Variants in ADGRE2 observed in about 807,000 individuals in gnomAD.
ADGRE2 encodes adhesion G protein-coupled receptor E2.
Under a neutral mutation model 100.8 loss-of-function variants are expected in ADGRE2, and 83 were observed. That is an observed-to-expected ratio of 0.82 (90% CI 0.69 to 0.99). The LOEUF is 0.99. Among genes scored for constraint, ADGRE2 ranks in the 50% least tolerant of loss-of-function variants. The pLI is 0.00. For synonymous variants in ADGRE2, 355 were observed against 413.0 expected (o/e 0.86, Z 1.70); for missense variants, 814 against 1,035.7 (o/e 0.79, Z 2.94).
chr19:14,742,115 G>T (rs760165069), intron 20 of ADGRE2: 2 of 398,622 alleles, frequency 5.0e-6, no homozygotes, highest in Non-Finnish European at 8.8e-6. Flanking sequence ...TTTAAACTGA[G>T]ATCATTGCTA....
intron 11 of ADGRE2, among the ~76,000 whole-genome samples, chr19:14,763,236 G>A (rs769837475): frequency 2.6e-5 from 4 of 151,868 alleles, no homozygotes; most frequent in South Asian, 2.1e-4. Flanking sequence ...CCAGCTACTC[G>A]GGAGGCTGAG....
intron 16 of ADGRE2, 94 bp downstream of exon 16, chr19:14,751,342 A>G: frequency 1.2e-6 from 1 of 858,046 alleles, no homozygotes; most frequent in Non-Finnish European, 1.9e-6. Flanking sequence ...CTACTGATCT[A>G]ATTAAAAGCA....
chr19:14,769,678 T>C (rs1337974508), intron 5 of ADGRE2, among the ~76,000 whole-genome samples: 3 of 152,136 alleles, frequency 2.0e-5, no homozygotes, highest in Non-Finnish European at 4.4e-5. Flanking sequence ...CTCTTTTCTT[T>C]TCTCTCTTCT....
At chr19:14,761,168 C>A (rs2043706491) in intron 11 of ADGRE2, among the ~76,000 whole-genome samples, 1 of 152,188 alleles carries the variant, frequency 6.6e-6, no homozygotes, top group African/African-American at 2.4e-5. Flanking sequence ...CTTTGGGAGG[C>A]CGAGGCAGGC....
intron 11 of ADGRE2, among the ~76,000 whole-genome samples, chr19:14,762,928 G>C (rs1272124499): frequency 2.0e-5 from 3 of 152,280 alleles, no homozygotes; most frequent in African/African-American, 7.2e-5. Context: ...ACAGGTGTGA[G>C]CGCCTGGCAT....
chr19:14,751,485 C>G lies in ADGRE2; in HGVS notation c.1975G>C (p.Val659Leu). The change falls in exon 16 of 21, where the codon GTG (valine) becomes CTG (leucine). Residue 659 changes from valine (V) to leucine (L), a missense_variant. Transcript: ENST00000315576. The stretch of plus-strand genomic sequence containing the variant: ...GGCCTGGAGGCTGCAGAAATGGCCA[C>G]TGTCACAGCTGGGACTCCGTAGCCC... ...PVGYGVPAVT[V>L]AISAASRPHL... is the part of the protein sequence containing the mutation. The G allele has an allele frequency of 1.2e-6, 2 of 1,614,144 alleles. No individual in the cohort carries two copies. Among genetic ancestry groups the G allele is most frequent in the Non-Finnish European group, 1.7e-6 (2 of 1,180,028 alleles).
intron 1 of ADGRE2, among the ~76,000 whole-genome samples, chr19:14,777,898 T>G (rs2044492425): frequency 6.6e-6 from 1 of 152,224 alleles, no homozygotes; most frequent in African/African-American, 2.4e-5. Context: ...CTATCATTGA[T>G]GGACATTTGG....
At chr19:14,746,782 A>C in intron 17 of ADGRE2, 114 bp downstream of exon 17, 1 of 983,298 alleles carries the variant, frequency 1.0e-6, no homozygotes. Context: ...TAGGAAACCT[A>C]ACCCAACCCA....
Position 14,774,074 on chromosome 19 carries a change from G to T in ADGRE2, c.83-20C>A, listed in dbSNP as rs370697009. 2 of 1,608,208 alleles carry T rather than the reference G, an allele frequency of 1.2e-6. No individual in the cohort carries two copies. The highest frequency in any genetic ancestry group is 1.1e-5 in the South Asian group (1 of 90,944). On this transcript the variant is annotated intron_variant, in intron 3 of 20. Transcript: ENST00000315576. ...CACAGCCTGCAAGAGCAGGGAGCAC[G>T]GTCAGAAGGTGAGGGGTAAGGGAAT... is the stretch of plus-strand genomic sequence containing the variant.
At chr19:14,756,389 C>G in intron 11 of ADGRE2, 44 bp from the exon 12 acceptor site, 1 of 1,359,970 alleles carries the variant, frequency 7.4e-7, no homozygotes, top group African/African-American at 1.4e-5. Flanking sequence ...GGTTAGGAAT[C>G]GTGCCTGCAG....
chr19:14,739,247 G>C (rs900073734), intron 20 of ADGRE2, among the ~76,000 whole-genome samples: 4 of 152,144 alleles, frequency 2.6e-5, no homozygotes, highest in African/African-American at 9.7e-5. Flanking sequence ...TGGGATTACA[G>C]GTGTGAGCCA....
chr19:14,729,795 A>G (rs973511088), downstream of ADGRE2, among the ~76,000 whole-genome samples: 5 of 152,224 alleles, frequency 3.3e-5, no homozygotes, highest in South Asian at 8.3e-4. Context: ...TAATAACTAT[A>G]TGAGACGAGG....
At chr19:14,743,893 G>C (rs1319363195) in intron 18 of ADGRE2, 109 bp from the exon 19 acceptor site, 3 of 1,016,230 alleles carry the variant, frequency 3.0e-6, no homozygotes, top group Non-Finnish European at 4.4e-6. Flanking sequence ...TGATTTCTCA[G>C]ACTGGGCTGT....
rs1168751544 is a variant in ADGRE2, at chr19:14,778,375, C to T, written c.-290G>A. ...GGTGAGCTAAGATGGTGCCACTGCACTCCAGCTTGGGTGATAGAGTGAGAC... is the reference window on the plus strand; with the variant it reads ...GGTGAGCTAAGATGGTGCCACTGCATTCCAGCTTGGGTGATAGAGTGAGAC... On this transcript the variant is annotated 5_prime_UTR_variant, in exon 1 of 21. It adds an upstream start codon to the 5' untranslated region. Transcript: ENST00000315576. 2.4e-6 allele frequency: 1 copy of T among 422,450 alleles called. No individual in the cohort carries two copies. Among genetic ancestry groups the T allele is most frequent in the African/African-American group, 2.2e-5 (1 of 46,476 alleles). 26.2% of individuals were successfully genotyped at this position (422,450 alleles called of 1,614,324 possible). A position where few individuals can be genotyped will look rare whatever the true frequency, so the allele number is the denominator to read the frequency against.
At chr19:14,759,239 G>C (rs1368561449) in intron 11 of ADGRE2, among the ~76,000 whole-genome samples, 2 of 152,028 alleles carry the variant, frequency 1.3e-5, no homozygotes, top group Non-Finnish European at 2.9e-5. Context: ...TATTGGCACA[G>C]CTGCCGGCAT....
At chr19:14,758,735 A>G (rs994577733) in intron 11 of ADGRE2, among the ~76,000 whole-genome samples, 2 of 152,158 alleles carry the variant, frequency 1.3e-5, no homozygotes, top group East Asian at 3.9e-4. Context: ...ATACAAAAAA[A>G]TTAGCTGGGC....
At chr19:14,773,864 C>G (rs2044315133) in intron 4 of ADGRE2, 74 bp downstream of exon 4, 1 of 1,372,154 alleles carries the variant, frequency 7.3e-7, no homozygotes, top group Non-Finnish European at 1.0e-6. Context: ...TCACAACAAC[C>G]TCTGTCCCCC....
intron 2 of ADGRE2, among the ~76,000 whole-genome samples, chr19:14,774,559 G>A (rs1391695164): frequency 6.7e-6 from 1 of 150,036 alleles, no homozygotes; most frequent in African/African-American, 2.4e-5. Flanking sequence ...CCCAGGCTGG[G>A]GTGCAGTGAT....
At chr19:14,741,240 G>A (rs1323578081) in intron 20 of ADGRE2, among the ~76,000 whole-genome samples, 2 of 151,572 alleles carry the variant, frequency 1.3e-5, no homozygotes, top group African/African-American at 4.9e-5. Flanking sequence ...GGGATTATAG[G>A]TGTGCACCAC....
Sources: gnomAD v4.1 joint callset for allele counts (sites outside exome capture counted in the v4.1 genomes callset) on GRCh38, gnomAD v4.1.1 for gene constraint, MANE v1.5 for transcripts, NCBI Gene and HGNC (gene_info 2026-07-23, HGNC 2026-07-21) for gene names.